RPS6KA2: variants seen among roughly 807,000 people sequenced by gnomAD.
The protein encoded by RPS6KA2 is ribosomal protein S6 kinase alpha-2.
Under a neutral mutation model 91.8 loss-of-function variants are expected in RPS6KA2, and 42 were observed. The observed-to-expected ratio is 0.46, with a 90% CI of 0.36 to 0.59. RPS6KA2 has a LOEUF of 0.59. Ranked by LOEUF, RPS6KA2 falls within the 20% of genes least tolerant of loss-of-function variation. The probability of loss-of-function intolerance (pLI) is 0.00; values close to 1 mark genes in which losing one functional copy is unlikely to be tolerated. For missense variants in RPS6KA2, 798 were observed against 978.5 expected (o/e 0.82, Z 2.46); for synonymous variants, 414 against 393.6 (o/e 1.05, Z -0.61).
At chr6:166,607,391 T>C (rs539387713) in intron 1 of RPS6KA2, among the ~76,000 whole-genome samples, 20 of 149,502 alleles carry the variant, frequency 1.3e-4, no homozygotes, top group East Asian at 1.1e-3. Context: ...CCCAAATGTC[T>C]ATCAACTTAC....
At chr6:166,609,793 C>T (rs1786101882) in intron 1 of RPS6KA2, among the ~76,000 whole-genome samples, 1 of 152,052 alleles carries the variant, frequency 6.6e-6, no homozygotes, top group South Asian at 2.1e-4. Flanking sequence ...AGCCACCGTG[C>T]CTGGCGTAAA....
intron 1 of RPS6KA2, among the ~76,000 whole-genome samples, chr6:166,620,387 C>A (rs1786580605): frequency 6.6e-6 from 1 of 152,202 alleles, no homozygotes; most frequent in African/African-American, 2.4e-5. Context: ...CTTCTCCTTT[C>A]TCCCAACAGT....
In RPS6KA2 at chr6:166,464,844, G is replaced by A. The variant is rs75735265; in HGVS notation, c.972+4997C>T. 8.8e-3 allele frequency among the ~76,000 whole-genome samples: 1,335 copies of A among 152,230 alleles called. 15 individuals carry two copies. The highest frequency in any genetic ancestry group is 0.03 in the African/African-American group (1,260 of 41,514). ...CAGAAGGAATGGCTCCCGTGCAGAC[G>A]TTCACTCGCTCATCTCTGAAGCTAA... On this transcript the variant is annotated intron_variant, in intron 11 of 20. Coordinates refer to ENST00000265678, the MANE Select transcript of RPS6KA2 (RefSeq NM_021135.6).
chr6:166,558,149 GGAGA>G (rs71299768), intron 1 of RPS6KA2, among the ~76,000 whole-genome samples: 9,837 of 149,662 alleles, frequency 0.066, 1,066 homozygotes, highest in African/African-American at 0.23. Context: ...ATGTATGTGG[GGAGA>G]GAGAGAGAGA....
rs117632645 is a variant in RPS6KA2, at chr6:166,419,444, G to A, written c.1820+438C>T. Among the ~76,000 whole-genome samples the A allele has an allele frequency of 6.0e-3, 919 of 152,292 alleles. 8 individuals are homozygous for A. Among genetic ancestry groups the A allele is most frequent in the Non-Finnish European group, 9.4e-3 (637 of 68,030 alleles). On this transcript the variant is annotated intron_variant, in intron 18 of 20. Coordinates refer to ENST00000265678, the MANE Select transcript of RPS6KA2 (RefSeq NM_021135.6). This position sits in a 1 kb window ranked among gnomAD's most constrained non-coding sequence, Gnocchi z 5.6. ...CCCAGGCCACTTTCTGTAACACCAC[G>A]TGTCTTACCACAATGAACCGGCCCG...
chr6:166,748,605 C>G (rs1422125213), intron 2 of RPS6KA2, among the ~76,000 whole-genome samples: 3 of 66,770 alleles, frequency 4.5e-5, no homozygotes, highest in Non-Finnish European at 9.2e-5. Flanking sequence ...CTCAGGCCCC[C>G]ATTTCCCTGG....
chr6:166,862,097 C>G, intron 1 of RPS6KA2: 2 of 1,614,224 alleles, frequency 1.2e-6, no homozygotes, highest in Non-Finnish European at 1.7e-6. Context: ...TGCGTTCTCT[C>G]CTGCACTCAC....
chr6:166,478,146 G>A (rs760152614), intron 10 of RPS6KA2, among the ~76,000 whole-genome samples: 5 of 152,188 alleles, frequency 3.3e-5, no homozygotes, highest in African/African-American at 7.2e-5. Context: ...TCGGCTGGGC[G>A]GGGGCGGTTA....
chr6:166,585,056 G>A (rs965432817), intron 1 of RPS6KA2, among the ~76,000 whole-genome samples: 13 of 150,822 alleles, frequency 8.6e-5, no homozygotes. Context: ...ACCTCTGAGT[G>A]CTGAGCACAC....
At chr6:166,827,287 A>G (rs950730994) in intron 2 of RPS6KA2, among the ~76,000 whole-genome samples, 2 of 119,326 alleles carry the variant, frequency 1.7e-5, no homozygotes, top group South Asian at 2.7e-4. Context: ...AAAAAAAAAA[A>G]TGCTTCTGGA....
chr6:166,606,096 C>T (rs572582123), intron 1 of RPS6KA2, among the ~76,000 whole-genome samples: 4 of 152,334 alleles, frequency 2.6e-5, no homozygotes, highest in Non-Finnish European at 5.9e-5. Flanking sequence ...GGCTCTTTGA[C>T]GCTTTTATTA....
At chr6:166,604,201 A>T (rs1272767612) in intron 1 of RPS6KA2, among the ~76,000 whole-genome samples, 1 of 152,170 alleles carries the variant, frequency 6.6e-6, no homozygotes. Context: ...TGGAGATGTG[A>T]CGGGGACAAA....
chr6:166,558,547 T>A lies in RPS6KA2; in HGVS notation c.100-19763A>T, dbSNP rs574047078. Among the ~76,000 whole-genome samples the A allele has an allele frequency of 6.6e-5, 10 of 152,270 alleles. No individual in the cohort carries two copies. The South Asian group carries it at 1.2e-3, about 19-fold the overall frequency. On this transcript the variant is annotated intron_variant, in intron 1 of 20. Coordinates refer to ENST00000265678, the MANE Select transcript of RPS6KA2 (RefSeq NM_021135.6). ...ATTAATCTGCATCCCAAGCAGTGTG[T>A]GCCCAGGGCAACACTCAAGGCTGGG...
chr6:166,718,141 C>T (rs565392970), intron 2 of RPS6KA2, among the ~76,000 whole-genome samples: 28 of 152,192 alleles, frequency 1.8e-4, no homozygotes, highest in Non-Finnish European at 2.9e-4. Flanking sequence ...AACCACTGTG[C>T]CCGGCCCTAT....
At chr6:166,774,370 TG>T (rs1778558546) in intron 2 of RPS6KA2, among the ~76,000 whole-genome samples, 1 of 152,220 alleles carries the variant, frequency 6.6e-6, no homozygotes, top group Admixed American at 6.5e-5. Context: ...AATTAGTGCA[TG>T]GGATTCTAGA....
At chr6:166,838,909 A>T (rs879398484) in intron 2 of RPS6KA2, among the ~76,000 whole-genome samples, 2 of 152,110 alleles carry the variant, frequency 1.3e-5, no homozygotes, top group Admixed American at 6.5e-5. Flanking sequence ...GCAGCAGGTC[A>T]GAGTCAGAGG....
chr6:166,427,055 A>G (rs1330012253), intron 16 of RPS6KA2, among the ~76,000 whole-genome samples: 1 of 152,184 alleles, frequency 6.6e-6, no homozygotes, highest in Non-Finnish European at 1.5e-5. Context: ...ATCCTCAATA[A>G]AATACTGGCA....
chr6:166,431,806 G>A (rs1414173012), intron 15 of RPS6KA2, among the ~76,000 whole-genome samples: 1 of 151,834 alleles, frequency 6.6e-6, no homozygotes, highest in Admixed American at 6.6e-5. Context: ...AGTAGAGATG[G>A]GGTTTCACCA....
At chr6:166,723,192 C>T (rs777889661) in intron 2 of RPS6KA2, among the ~76,000 whole-genome samples, 8 of 152,260 alleles carry the variant, frequency 5.3e-5, no homozygotes, top group East Asian at 3.8e-4. Flanking sequence ...CTGCCTCGAA[C>T]GTTTCCTAGC....
Sources: gnomAD v4.1 joint callset for allele counts (sites outside exome capture counted in the v4.1 genomes callset) on GRCh38, gnomAD v4.1.1 for gene constraint, Gnocchi (gnomAD v3.1) non-coding constraint, MANE v1.5 for transcripts, NCBI Gene and HGNC (gene_info 2026-07-23, HGNC 2026-07-21) for gene names.